The following TACC2 variants were observed in gnomAD, a reference collection of about 807,000 sequenced individuals.
TACC2 encodes transforming acidic coiled-coil containing protein 2, also known as transforming acidic coiled-coil-containing protein 2.
Under a neutral mutation model 227.3 loss-of-function variants are expected in TACC2, and 137 were observed. That is an observed-to-expected ratio of 0.60 (90% CI 0.52 to 0.69). TACC2 has a LOEUF of 0.69. Among genes scored for constraint, TACC2 ranks in the 30% least tolerant of loss-of-function variants. The probability of loss-of-function intolerance (pLI) is 0.00; values close to 1 mark genes in which losing one functional copy is unlikely to be tolerated. For missense variants in TACC2, 3,470 were observed against 3,694.4 expected, an observed-to-expected ratio of 0.94 and a Z score of 1.57; for synonymous variants, 1,523 against 1,487.5, an observed-to-expected ratio of 1.02 and a Z score of -0.55.
At chr10:122,182,745 T>G (rs1221264006) in intron 7 of TACC2, among the ~76,000 whole-genome samples, 1 of 152,224 alleles carries the variant, frequency 6.6e-6, no homozygotes, top group Non-Finnish European at 1.5e-5. Flanking sequence ...AGATGTGCTT[T>G]TCTTCATTTT....
At chr10:122,143,433 G>A in intron 6 of TACC2, 139 bp from the exon 7 acceptor site, 1 of 916,740 alleles carries the variant, frequency 1.1e-6, no homozygotes, top group Non-Finnish European at 1.6e-6. Flanking sequence ...GGATGGGGAA[G>A]CCGGGGAGCC....
At chr10:122,212,686 G>T (rs984243015) in intron 9 of TACC2, among the ~76,000 whole-genome samples, 1 of 152,128 alleles carries the variant, frequency 6.6e-6, no homozygotes, top group African/African-American at 2.4e-5. Context: ...TCCCATTCTG[G>T]GCTCCCCCTA....
intron 5 of TACC2, among the ~76,000 whole-genome samples, chr10:122,121,192 GA>G (rs1464349708): frequency 1.3e-5 from 2 of 152,188 alleles, no homozygotes; most frequent in African/African-American, 4.8e-5. Flanking sequence ...TGTGTACTTT[GA>G]AACAGTACAT....
At chr10:122,107,718 G>A (rs2082993974) in intron 5 of TACC2, among the ~76,000 whole-genome samples, 1 of 150,540 alleles carries the variant, frequency 6.6e-6, no homozygotes, top group African/African-American at 2.4e-5. Flanking sequence ...GGAGCAGGTG[G>A]TGTTTGGTTA....
At chr10:122,232,649 A>C (rs950620305) in intron 16 of TACC2, among the ~76,000 whole-genome samples, 1 of 152,166 alleles carries the variant, frequency 6.6e-6, no homozygotes, top group Non-Finnish European at 1.5e-5. Flanking sequence ...CTTTTGTTAA[A>C]AAGTGCATTA....
In TACC2 at chr10:121,990,698, T is replaced by C. The variant is rs1010568655; in HGVS notation, c.-46+1210T>C. Among the ~76,000 whole-genome samples, 4 of 152,170 alleles carry C rather than the reference T, an allele frequency of 2.6e-5. No individual in the cohort carries two copies. In the East Asian group the frequency reaches 5.8e-4, roughly 22 times the overall value. On this transcript the variant is annotated intron_variant, in intron 1 of 22. Coordinates refer to ENST00000369005, the MANE Select transcript of TACC2 (RefSeq NM_206862.4). ...CACTGCTTTCCATTACCCACAACCA[T>C]GGAGAAAGCTCTCATCAGCTAATGT...
intron 11 of TACC2, among the ~76,000 whole-genome samples, chr10:122,223,802 C>G (rs2095569321): frequency 6.6e-6 from 1 of 152,144 alleles, no homozygotes; most frequent in Admixed American, 6.5e-5. Flanking sequence ...GCCACTGATG[C>G]TTTTTCACAG....
rs555411413 is a variant in TACC2 at position 122,180,482 on chromosome 10, C to T, written c.5835-14558C>T. Among the ~76,000 whole-genome samples the T allele has an allele frequency of 1.5e-4, 23 of 152,008 alleles. No homozygotes were observed. The highest frequency in any genetic ancestry group is 8.5e-4 in the Admixed American group (13 of 15,268). ...CCTCCCGAGTAGCTGGGACTACAGG[C>T]GCCCGCCACCACACCCGGCTAATTT... On this transcript the variant is annotated intron_variant, in intron 7 of 22. Transcript: ENST00000369005. This position sits in a 1 kb window ranked among gnomAD's most constrained non-coding sequence, Gnocchi z 4.5.
At position 122,104,392 on chromosome 10, in the gene TACC2, G is replaced by A. The variant is rs889129713; in HGVS notation, c.5573+15801G>A. Among the ~76,000 whole-genome samples, 8 of 151,336 alleles carry A rather than the reference G, an allele frequency of 5.3e-5. No homozygotes were observed. The East Asian group carries it at 5.8e-4, about 11-fold the overall frequency. On this transcript the variant is annotated intron_variant, in intron 5 of 22. Transcript: ENST00000369005. ...TATGATTTTTTTTTTCTTTTGAGAC[G>A]AAGTCTTGCTCTGTCACCCAGGCTG...
chr10:122,023,625 TCACA>T (rs1957597637), intron 2 of TACC2: 1 of 151,250 alleles, frequency 6.6e-6, no homozygotes, highest in South Asian at 2.1e-4. Flanking sequence ...ATGGGGAACA[TCACA>T]CACTGGGGCC....
chr10:122,233,170 C>T (rs2095791777), intron 16 of TACC2, among the ~76,000 whole-genome samples: 1 of 152,174 alleles, frequency 6.6e-6, no homozygotes, highest in Admixed American at 6.5e-5. Context: ...GCAGTCTCAC[C>T]ATTACTTTCC....
chr10:122,126,328 G>GTGTGTGTGTGTGTGTA (rs1288498088), intron 5 of TACC2, among the ~76,000 whole-genome samples: 2 of 151,654 alleles, frequency 1.3e-5, no homozygotes, highest in Non-Finnish European at 3.0e-5. Flanking sequence ...GTGTGTGTGT[G>GTGTGTGTGTGTGTGTA]TGTGTGTGTG....
rs778958816 is a variant in TACC2, at chr10:122,249,531, C to T, written c.8661-13C>T. 1 of 1,612,812 alleles carries T rather than the reference C, an allele frequency of 6.2e-7. No individual in the cohort carries two copies. The highest frequency in any genetic ancestry group is 8.5e-7 in the Non-Finnish European group (1 of 1,179,062). On this transcript the variant is annotated splice_polypyrimidine_tract_variant and intron_variant, in intron 21 of 22. Coordinates refer to ENST00000369005, the MANE Select transcript of TACC2 (RefSeq NM_206862.4). ...ACAAAAGAGTGATAATTCTGAGCTC[C>T]CTGTCTCCGCAGGGCCAATGCTGAG... is the stretch of plus-strand genomic sequence containing the variant.
chr10:122,120,143 C>T (rs1435276244), intron 5 of TACC2, among the ~76,000 whole-genome samples: 1 of 152,142 alleles, frequency 6.6e-6, no homozygotes, highest in Non-Finnish European at 1.5e-5. Context: ...ACTCGCCCGT[C>T]CTCACAGTAA....
At chr10:122,232,273 C>T (rs1287604990) in intron 16 of TACC2, among the ~76,000 whole-genome samples, 1 of 152,208 alleles carries the variant, frequency 6.6e-6, no homozygotes, top group East Asian at 1.9e-4. Flanking sequence ...AGTTTGGCCA[C>T]TGTAAGTACC....
intron 3 of TACC2, among the ~76,000 whole-genome samples, chr10:122,069,287 C>A (rs1591652006): frequency 6.6e-6 from 1 of 151,702 alleles, no homozygotes; most frequent in Admixed American, 6.6e-5. Context: ...TGTCGCCCAG[C>A]CTGGAGTGCA....
intron 1 of TACC2, among the ~76,000 whole-genome samples, chr10:122,009,069 C>T (rs1313636370): frequency 1.3e-5 from 2 of 152,196 alleles, no homozygotes; most frequent in South Asian, 2.1e-4. Context: ...ACTGGGTCTA[C>T]CTTTGTTCTC....
chr10:122,156,878 C>G (rs1277610525), intron 7 of TACC2, among the ~76,000 whole-genome samples: 2 of 152,152 alleles, frequency 1.3e-5, no homozygotes, highest in African/African-American at 2.4e-5. Flanking sequence ...AGTCCCAGCA[C>G]TTTGGGAGGA....
intron 8 of TACC2, among the ~76,000 whole-genome samples, chr10:122,198,633 G>A (rs1593225631): frequency 6.6e-6 from 1 of 152,138 alleles, no homozygotes; most frequent in Admixed American, 6.5e-5. Context: ...CCAGTGACAC[G>A]CGGAGGTTAC....
Sources: gnomAD v4.1 joint callset for allele counts (sites outside exome capture counted in the v4.1 genomes callset) on GRCh38, gnomAD v4.1.1 for gene constraint, Gnocchi (gnomAD v3.1) non-coding constraint, MANE v1.5 for transcripts, NCBI Gene and HGNC (gene_info 2026-07-23, HGNC 2026-07-21) for gene names.